Variants in UTS2 observed in about 807,000 individuals in gnomAD.
UTS2 encodes the protein urotensin 2.
Under a neutral mutation model 12.6 loss-of-function variants are expected in UTS2, and 10 were observed. The observed-to-expected ratio is 0.80, with a 90% CI of 0.49 to 1.35. The LOEUF is 1.35. Among genes scored for constraint, UTS2 ranks in the 40% most tolerant of loss-of-function variants. The pLI, the probability that UTS2 is intolerant of heterozygous loss-of-function variation, is 0.00. For synonymous variants in UTS2, 52 were observed against 50.0 expected, an observed-to-expected ratio of 1.04 and a Z score of -0.17; for missense variants, 142 against 143.2, an observed-to-expected ratio of 0.99 and a Z score of 0.04.
the UTS2 span, among the ~76,000 whole-genome samples, chr1:7,890,487 A>G: frequency 2.0e-5 from 3 of 152,182 alleles, no homozygotes; most frequent in Non-Finnish European, 4.4e-5. Context: ...AATGTAGATC[A>G]TCTTTGATCT....
chr1:7,894,142 TTTC>T, the UTS2 span, among the ~76,000 whole-genome samples: 1 of 151,820 alleles, frequency 6.6e-6, no homozygotes, highest in East Asian at 1.9e-4. Context: ...CTTTTTTTTT[TTTC>T]TTCTTCTTTT....
chr1:7,857,103 G>GGAAT (rs761087243), upstream of UTS2, among the ~76,000 whole-genome samples: 17 of 130,864 alleles, frequency 1.3e-4, no homozygotes, highest in African/African-American at 4.6e-4. Flanking sequence ...AGGAAGAAAA[G>GGAAT]GAATGAAGGA....
At chr1:7,868,523 G>A in the UTS2 span, among the ~76,000 whole-genome samples, 7 of 152,172 alleles carry the variant, frequency 4.6e-5, no homozygotes, top group African/African-American at 1.2e-4. Flanking sequence ...GGGACTGTGG[G>A]GGCAATGAGG....
the UTS2 span, among the ~76,000 whole-genome samples, chr1:7,891,463 C>A: frequency 7.3e-5 from 11 of 150,572 alleles, no homozygotes; most frequent in African/African-American, 2.7e-4. Flanking sequence ...GAGGCTGAGG[C>A]TACAATGAGC....
chr1:7,853,523 A>C (rs1044044237), upstream of UTS2: 1 of 1,506,802 alleles, frequency 6.6e-7, no homozygotes, highest in Non-Finnish European at 8.9e-7. Context: ...TTAAAACGTA[A>C]AACCAGCTAT....
At chr1:7,883,988 A>C in the UTS2 span, among the ~76,000 whole-genome samples, 2 of 151,240 alleles carry the variant, frequency 1.3e-5, no homozygotes, top group African/African-American at 4.9e-5. Flanking sequence ...CAAATTTTGT[A>C]TTTTTAGTAG....
the UTS2 span, among the ~76,000 whole-genome samples, chr1:7,911,712 GC>G: frequency 6.6e-6 from 1 of 152,094 alleles, no homozygotes; most frequent in Non-Finnish European, 1.5e-5. Flanking sequence ...GACCAGCCTG[GC>G]CAACATGGCG....
At chr1:7,873,779 T>C in the UTS2 span, among the ~76,000 whole-genome samples, 1 of 152,208 alleles carries the variant, frequency 6.6e-6, no homozygotes, top group African/African-American at 2.4e-5. Flanking sequence ...ACTTACTTGA[T>C]AAAGCATTGG....
chr1:7,906,449 G>GAGAAAGGAAGAAAGAAAGAAAGAAAGAA, the UTS2 span, among the ~76,000 whole-genome samples: 5 of 73,226 alleles, frequency 6.8e-5, no homozygotes, highest in African/African-American at 2.1e-4. Context: ...GAAAGAAAAA[G>GAGAAAGGAAGAAAGAAAGAAAGAAAGAA]AGAAAGAAAG....
At chr1:7,881,916 G>A in the UTS2 span, among the ~76,000 whole-genome samples, 1 of 152,106 alleles carries the variant, frequency 6.6e-6, no homozygotes, top group East Asian at 1.9e-4. Flanking sequence ...CATGGTATTG[G>A]TATAAAAATA....
chr1:7,878,205 G>GA, the UTS2 span, among the ~76,000 whole-genome samples: 3 of 152,090 alleles, frequency 2.0e-5, no homozygotes, highest in Non-Finnish European at 4.4e-5. Flanking sequence ...AAACAAAGGA[G>GA]AAAAAACGTC....
chr1:7,878,377 A>G, the UTS2 span, among the ~76,000 whole-genome samples: 1 of 152,208 alleles, frequency 6.6e-6, no homozygotes, highest in East Asian at 1.9e-4. Flanking sequence ...CACAAATGAG[A>G]AAAAGAAAGT....
chr1:7,862,313 C>T, the UTS2 span, among the ~76,000 whole-genome samples: 10 of 152,132 alleles, frequency 6.6e-5, no homozygotes, highest in South Asian at 1.7e-3. Context: ...CCCGCTATGT[C>T]CCCTGCATGC....
chr1:7,875,453 C>T, the UTS2 span, among the ~76,000 whole-genome samples: 2 of 152,312 alleles, frequency 1.3e-5, no homozygotes, highest in South Asian at 4.1e-4. Context: ...TGGGGACCGG[C>T]TTGCCTGGGC....
rs759988407 is a variant in UTS2, at chr1:7,847,742, T to C, written c.*24A>G. On this transcript the variant is annotated 3_prime_UTR_variant, in exon 4 of 4. Coordinates refer to ENST00000361696, the MANE Select transcript of UTS2 (RefSeq NM_006786.4). ...TATTCTAAGATGGGTGTTTCTGAGC[T>C]GACTAACAGATGCTTATTTCACTTC... is the stretch of plus-strand genomic sequence containing the variant. 6.5e-7 allele frequency: 1 copy of C among 1,547,004 alleles called. No individual in the cohort carries two copies. Among genetic ancestry groups the C allele is most frequent in the Non-Finnish European group, 8.9e-7 (1 of 1,126,814 alleles).
At chr1:7,850,013 A>G (rs2097412295) in intron 2 of UTS2, among the ~76,000 whole-genome samples, 1 of 144,914 alleles carries the variant, frequency 6.9e-6, no homozygotes, top group Admixed American at 7.2e-5. Flanking sequence ...TCTGTTGCCC[A>G]GGCTGGAGTG....
the UTS2 span, among the ~76,000 whole-genome samples, chr1:7,859,530 G>A: frequency 6.6e-6 from 1 of 152,172 alleles, no homozygotes; most frequent in Admixed American, 6.5e-5. Flanking sequence ...TATCTGAGAG[G>A]AAGAGCCTCC....
chr1:7,859,182 T>G, the UTS2 span, among the ~76,000 whole-genome samples: 2 of 152,136 alleles, frequency 1.3e-5, no homozygotes, highest in African/African-American at 4.8e-5. Flanking sequence ...ATCATCGGGG[T>G]CCATTCTTAC....
At chr1:7,885,935 C>A in the UTS2 span, among the ~76,000 whole-genome samples, 1 of 142,040 alleles carries the variant, frequency 7.0e-6, no homozygotes, top group Non-Finnish European at 1.5e-5. Context: ...AGGTGGAGGT[C>A]GGAACCCTGG....
Sources: allele counts gnomAD v4.1 joint callset (sites outside exome capture counted in the v4.1 genomes callset), GRCh38; gene constraint gnomAD v4.1.1; transcripts MANE v1.5; gene names NCBI Gene and HGNC (gene_info 2026-07-23, HGNC 2026-07-21).